AFMID: variants seen among roughly 807,000 people sequenced by gnomAD.
AFMID encodes the protein kynurenine formamidase.
In AFMID, 39 loss-of-function variants were observed where a neutral mutation model predicts 47.5. The observed-to-expected ratio is 0.82, with a 90% CI of 0.64 to 1.07. AFMID has a LOEUF of 1.07. Among genes scored for constraint, AFMID ranks in the 50% least tolerant of loss-of-function variants. AFMID has a pLI of 0.00. For synonymous variants in AFMID, 130 were observed against 153.2 expected (o/e 0.85, Z 1.12); for missense variants, 375 against 387.5 (o/e 0.97, Z 0.27).
chr17:78,203,456 C>T (rs997011078), intron 4 of AFMID: 2 of 151,364 alleles, frequency 1.3e-5, no homozygotes, highest in Admixed American at 6.6e-5. Context: ...CAACCCACTA[C>T]ACCCAGTGAG....
At chr17:78,206,685 C>T (rs1238633458) in intron 10 of AFMID, among the ~76,000 whole-genome samples, 1 of 149,702 alleles carries the variant, frequency 6.7e-6, no homozygotes, top group African/African-American at 2.5e-5. Context: ...TCTCCTCCTC[C>T]CCCTACCCCC....
Position 78,190,957 on chromosome 17 carries a change from TTG to T in AFMID, c.64-10_64-9del, listed in dbSNP as rs1342928128. The T allele has an allele frequency of 6.2e-7, 1 of 1,612,478 alleles. No individual in the cohort carries two copies. Among genetic ancestry groups the T allele is most frequent in the African/African-American group, 1.3e-5 (1 of 74,850 alleles). ...AGGAAAGTCTTACGGAGCCTCATGT[TTG>T]TGCCCTGCAGGAGCTGGAGAATCAG... On this transcript the variant is annotated splice_polypyrimidine_tract_variant and intron_variant, in intron 1 of 10. Transcript: ENST00000409257.
Position 78,205,177 on chromosome 17 carries a change from G to A in AFMID, c.552G>A (p.Thr184=), listed in dbSNP as rs369871938. ...LLADWTKHGV[T]PNLRGFFLVS... ...CCGACTGGACCAAGCATGGGGTCAC[G>A]CCCAACCTCAGAGGTTTCCATGGGA... Residue 184 remains threonine (T), a synonymous_variant, in exon 7 of 11, where the codon ACG becomes ACA. Coordinates refer to ENST00000409257, the MANE Select transcript of AFMID (RefSeq NM_001010982.5). 217 of 1,611,556 alleles carry A rather than the reference G, an allele frequency of 1.3e-4. 1 individual carries two copies. The South Asian group carries it at 1.9e-3, about 14-fold the overall frequency.
At chr17:78,195,952 T>C (rs1344155032) in intron 2 of AFMID, among the ~76,000 whole-genome samples, 2 of 152,064 alleles carry the variant, frequency 1.3e-5, no homozygotes, top group Non-Finnish European at 2.9e-5. Flanking sequence ...TTCACGCCAT[T>C]CTCCTGCCTC....
intron 3 of AFMID, 40 bp from the exon 4 acceptor site, chr17:78,202,663 G>T (rs747583076): frequency 6.4e-7 from 1 of 1,573,058 alleles, no homozygotes. Context: ...GAGCTCAGCA[G>T]GGCGGGCCTT....
intron 2 of AFMID, among the ~76,000 whole-genome samples, chr17:78,191,513 A>G (rs1260575791): frequency 1.3e-5 from 2 of 152,060 alleles, no homozygotes; most frequent in Admixed American, 6.6e-5. Context: ...GCAAAACCCT[A>G]TCTCTACAAA....
At chr17:78,200,507 G>C (rs1281862598) in intron 2 of AFMID, among the ~76,000 whole-genome samples, 2 of 152,150 alleles carry the variant, frequency 1.3e-5, no homozygotes, top group Non-Finnish European at 2.9e-5. Flanking sequence ...AAGTCATTCT[G>C]GGTTAGGGTG....
At chr17:78,199,477 C>T (rs1229070803) in intron 2 of AFMID, among the ~76,000 whole-genome samples, 4 of 151,862 alleles carry the variant, frequency 2.6e-5, no homozygotes, top group Admixed American at 2.0e-4. Flanking sequence ...CTGGTTCAAG[C>T]AATTCTCCTT....
chr17:78,201,061 A>G (rs781168948), intron 2 of AFMID, among the ~76,000 whole-genome samples: 4 of 151,096 alleles, frequency 2.6e-5, no homozygotes, highest in Non-Finnish European at 4.4e-5. Context: ...CAGTGGTGCA[A>G]TCTCAGCTCA....
At chr17:78,190,816 C>T in intron 1 of AFMID, 154 bp from the exon 2 acceptor site, 1 of 656,290 alleles carries the variant, frequency 1.5e-6, no homozygotes. Flanking sequence ...GCTGGTATAC[C>T]TCTAGACCAT....
At chr17:78,190,084 C>G (rs531069935) in intron 1 of AFMID, among the ~76,000 whole-genome samples, 1,565 of 151,808 alleles carry the variant, frequency 0.01, 8 homozygotes, top group Non-Finnish European at 0.018. Flanking sequence ...GCCTCCGCCT[C>G]CCAAAGTGCT....
At chr17:78,202,635 C>A (rs780506307) in intron 3 of AFMID, 32 bp downstream of exon 3, 1 of 1,487,220 alleles carries the variant, frequency 6.7e-7, no homozygotes, top group Non-Finnish European at 9.3e-7. Flanking sequence ...GGTCCCGGGG[C>A]TTGGGGGTCC....
Position 78,195,465 on chromosome 17 carries a change from G to A in AFMID, c.154+4405G>A, listed in dbSNP as rs572562510. ...CTGCCTCGACCTCCCAAAGTGCTGG[G>A]ACTACAGGCATGAGTTGCCGCGTGC... On this transcript the variant is annotated intron_variant, in intron 2 of 10. Transcript: ENST00000409257. 2.6e-5 allele frequency among the ~76,000 whole-genome samples: 4 copies of A among 151,784 alleles called. No homozygotes were observed. The South Asian group carries it at 8.3e-4, about 32-fold the overall frequency.
Position 78,191,395 on chromosome 17 carries a change from G to A in AFMID, c.154+335G>A, listed in dbSNP as rs185501692. Among the ~76,000 whole-genome samples, 164 of 152,254 alleles carry A rather than the reference G, an allele frequency of 1.1e-3. 5 individuals are homozygous for A. The highest frequency in any genetic ancestry group is 3.7e-3 in the African/African-American group (153 of 41,574). On this transcript the variant is annotated intron_variant, in intron 2 of 10. Coordinates refer to ENST00000409257, the MANE Select transcript of AFMID (RefSeq NM_001010982.5). ...GTGAACAGAGGAACGTTCCCCATCCGCTGCTGAATGTGGAATGCGGTCACT... is the reference window on the plus strand; with the variant it reads ...GTGAACAGAGGAACGTTCCCCATCCACTGCTGAATGTGGAATGCGGTCACT...
chr17:78,189,376 C>T (rs1415579968), intron 1 of AFMID, among the ~76,000 whole-genome samples: 1 of 151,780 alleles, frequency 6.6e-6, no homozygotes, highest in Non-Finnish European at 1.5e-5. Flanking sequence ...GCGCCCGCCA[C>T]CATGCCCAGC....
chr17:78,202,477 G>C, intron 2 of AFMID, 22 bp from the exon 3 acceptor site: 1 of 1,610,064 alleles, frequency 6.2e-7, no homozygotes, highest in Admixed American at 1.7e-5. Context: ...TGCTGACAGC[G>C]ACTTGTCCAT....
chr17:78,191,520 C>CA (rs1181702641), intron 2 of AFMID, among the ~76,000 whole-genome samples: 2 of 152,100 alleles, frequency 1.3e-5, no homozygotes, highest in East Asian at 3.9e-4. Context: ...CCTATCTCTA[C>CA]AAAAAAATAC....
In AFMID at chr17:78,204,885, G is replaced by C; in HGVS notation, c.452G>C (p.Arg151Pro). 6.2e-7 allele frequency: 1 copy of C among 1,614,144 alleles called. No homozygotes were observed. Among genetic ancestry groups the C allele is most frequent in the Non-Finnish European group, 8.5e-7 (1 of 1,180,032 alleles). Residue 151 changes from arginine (R) to proline (P), a missense_variant, in exon 6 of 11, where the codon CGG becomes CCG. Coordinates refer to ENST00000409257, the MANE Select transcript of AFMID (RefSeq NM_001010982.5). ...CGCAGCGTTGCGTTTGTCCAGAAGC[G>C]GTATCCAAGCAACAAGTGGGTGTTG... Reference protein sequence around the residue: ...VTRSVAFVQKRYPSNKGIYLC... With the variant: ...VTRSVAFVQKPYPSNKGIYLC...
At position 78,205,304 on chromosome 17, in the gene AFMID, C is replaced by T. The variant is rs1297873297; in HGVS notation, c.565+114C>T. The T allele has an allele frequency of 7.1e-6, 10 of 1,417,256 alleles. No individual in the cohort carries two copies. In the Admixed American group the frequency reaches 1.4e-4, roughly 20 times the overall value. 87.8% of individuals were successfully genotyped at this position (1,417,256 alleles called of 1,614,324 possible). ...CATGAGTGGCTTGACCGCAGGGCTT[C>T]GAGCCCTCTGAGCAAGGCCTTCTCT... On this transcript the variant is annotated intron_variant, in intron 7 of 10. Transcript: ENST00000409257.
Sources: gnomAD v4.1 joint callset for allele counts (sites outside exome capture counted in the v4.1 genomes callset) on GRCh38, gnomAD v4.1.1 for gene constraint, MANE v1.5 for transcripts, NCBI Gene and HGNC (gene_info 2026-07-23, HGNC 2026-07-21) for gene names.